RRP1B: variants seen among roughly 807,000 people sequenced by gnomAD.
RRP1B encodes the protein ribosomal RNA processing protein 1 homolog B.
Under a neutral mutation model 80.2 loss-of-function variants are expected in RRP1B, and 56 were observed. That is an observed-to-expected ratio of 0.70 (90% CI 0.56 to 0.87). The LOEUF (loss-of-function observed/expected upper bound fraction) is 0.87, where lower values mean the gene tolerates loss of function less well. RRP1B is among the 40% of genes least tolerant of loss of function. The pLI is 0.00. For synonymous variants in RRP1B, 351 were observed against 357.6 expected (o/e 0.98, Z 0.21); for missense variants, 807 against 939.8 (o/e 0.86, Z 1.85).
At chr21:43,685,986 T>G in intron 11 of RRP1B, 197 bp downstream of exon 11, 1 of 471,340 alleles carries the variant, frequency 2.1e-6, no homozygotes, top group Non-Finnish European at 3.5e-6. Flanking sequence ...CCAGGCGTGG[T>G]GGCGTGATCC....
chr21:43,688,263 C>T, intron 13 of RRP1B, 23 bp downstream of exon 13: 1 of 1,504,962 alleles, frequency 6.6e-7, no homozygotes, highest in Non-Finnish European at 8.9e-7. Context: ...CACCCACAGG[C>T]CAGCTCGCCA....
rs1429270506 is a variant in RRP1B, at chr21:43,659,760, C to T, written c.96C>T (p.Arg32=). Residue 32 remains arginine (R), a synonymous_variant, in exon 1 of 16, where the codon CGC becomes CGT. Coordinates refer to ENST00000340648, the MANE Select transcript of RRP1B (RefSeq NM_015056.3). The surrounding 1 kb of genome is among the most constrained non-coding windows in gnomAD (Gnocchi z 4.2). ...GIRDRAVKKL[R]QYISVKTQRE... Reference sequence around the variant, plus strand: ...GGGACCGAGCGGTGAAGAAGCTGCGCCAGTACATCAGCGTGAAGACGCAGA... The same window carrying T: ...GGGACCGAGCGGTGAAGAAGCTGCGTCAGTACATCAGCGTGAAGACGCAGA... 1 of 1,522,388 alleles carries T rather than the reference C, an allele frequency of 6.6e-7. No individual in the cohort carries two copies. The highest frequency in any genetic ancestry group is 8.8e-7 in the Non-Finnish European group (1 of 1,132,440). The allele number at this position is 1,522,388 out of a possible 1,614,324, so 94.3% of individuals were successfully genotyped here.
intron 2 of RRP1B, 46 bp from the exon 3 acceptor site, chr21:43,672,262 T>A: frequency 6.3e-7 from 1 of 1,578,768 alleles, no homozygotes. Context: ...CATCTCATGT[T>A]GCCCCACGAT....
intron 3 of RRP1B, among the ~76,000 whole-genome samples, 158 bp downstream of exon 3, chr21:43,672,523 G>A (rs1409501680): frequency 3.3e-5 from 5 of 152,212 alleles, no homozygotes; most frequent in African/African-American, 1.2e-4. Context: ...AGGGCACAGT[G>A]TCTTGGGGAG....
rs1437935156 is a variant in RRP1B at position 43,659,805 on chromosome 21, G to A, written c.130+11G>A. The A allele has an allele frequency of 8.7e-6, 13 of 1,493,072 alleles. No individual in the cohort carries two copies. The highest frequency in any genetic ancestry group is 3.8e-5 in the South Asian group (3 of 78,588). 92.5% of individuals were successfully genotyped at this position (1,493,072 alleles called of 1,614,324 possible). A position where few individuals can be genotyped will look rare whatever the true frequency, so the allele number is the denominator to read the frequency against. ...CGCAGAGGGAGACAGGTGGGCGCAC[G>A]GCCGCGGTCAGCCGCGCCACATGGC... On this transcript the variant is annotated intron_variant, in intron 1 of 15. Coordinates refer to ENST00000340648, the MANE Select transcript of RRP1B (RefSeq NM_015056.3). This position sits in a 1 kb window ranked among gnomAD's most constrained non-coding sequence, Gnocchi z 4.2.
At chr21:43,667,069 A>G (rs1343921597) in intron 1 of RRP1B, among the ~76,000 whole-genome samples, 4 of 152,062 alleles carry the variant, frequency 2.6e-5, no homozygotes, top group African/African-American at 9.7e-5. Context: ...TACTTTTGTA[A>G]GAATACTTCA....
At position 43,665,254 on chromosome 21, in the gene RRP1B, A is replaced by G. The variant is rs2082974037; in HGVS notation, c.131-4630A>G. Among the ~76,000 whole-genome samples the G allele has an allele frequency of 2.0e-5, 3 of 152,230 alleles. No individual in the cohort carries two copies. The South Asian group carries it at 6.2e-4, about 32-fold the overall frequency. ...GTTTTTAAGTGAGAAAGACCAGAAT[A>G]CAGAATATTATGCCATTTAGGTCAC... is the stretch of plus-strand genomic sequence containing the variant. On this transcript the variant is annotated intron_variant, in intron 1 of 15. Transcript: ENST00000340648.
chr21:43,666,509 G>T (rs1401625889), intron 1 of RRP1B, among the ~76,000 whole-genome samples: 1 of 152,196 alleles, frequency 6.6e-6, no homozygotes. Context: ...ATGTGGTCAA[G>T]AGACTGAGAC....
At chr21:43,675,713 A>G (rs1241954831) in intron 6 of RRP1B, among the ~76,000 whole-genome samples, 1 of 152,172 alleles carries the variant, frequency 6.6e-6, no homozygotes, top group Non-Finnish European at 1.5e-5. Flanking sequence ...CCTCTTGTAG[A>G]GGAAGTATAT....
chr21:43,690,544 C>T (rs1362008493), intron 14 of RRP1B, 104 bp downstream of exon 14: 25 of 1,316,870 alleles, frequency 1.9e-5, no homozygotes, highest in Non-Finnish European at 2.6e-5. Context: ...CCACTGTGGC[C>T]CTCTGAGCCT....
At position 43,673,967 on chromosome 21, in the gene RRP1B, C is replaced by A. The variant is rs758096993; in HGVS notation, c.357+12C>A. ...ACAAATACTATATGGTAAGATCTGC[C>A]GCAGTTACTTCAAAAACTCCTGGGA... On this transcript the variant is annotated intron_variant, in intron 4 of 15. Transcript: ENST00000340648. 1.3e-6 allele frequency: 2 copies of A among 1,572,688 alleles called. No homozygotes were observed. Among genetic ancestry groups the A allele is most frequent in the South Asian group, 2.3e-5 (2 of 88,100 alleles).
At chr21:43,669,035 C>G (rs2082989379) in intron 1 of RRP1B, among the ~76,000 whole-genome samples, 1 of 152,210 alleles carries the variant, frequency 6.6e-6, no homozygotes, top group Non-Finnish European at 1.5e-5. Context: ...CCCTGAGTAG[C>G]TAGAGTCAGA....
chr21:43,694,912 C>T lies in RRP1B; in HGVS notation c.*1529C>T, dbSNP rs1006875082. 1 of 152,170 alleles carries T rather than the reference C, an allele frequency of 6.6e-6. No individual in the cohort carries two copies. The highest frequency in any genetic ancestry group is 2.4e-5 in the African/African-American group (1 of 41,436). 9.4% of individuals were successfully genotyped at this position (152,170 alleles called of 1,614,324 possible). A position where few individuals can be genotyped will look rare whatever the true frequency, so the allele number is the denominator to read the frequency against. On this transcript the variant is annotated 3_prime_UTR_variant, in exon 16 of 16. Transcript: ENST00000340648. ...TGCGAACATCAGACTGACTTGCTGG[C>T]GTCAAGAGCAGTTGACTCACTGATG...
intron 8 of RRP1B, among the ~76,000 whole-genome samples, chr21:43,678,111 C>G (rs1348434387): frequency 6.6e-6 from 1 of 152,226 alleles, no homozygotes; most frequent in East Asian, 1.9e-4. Context: ...TACTAGTTGA[C>G]ATTCCCACCA....
chr21:43,674,516 T>G, intron 4 of RRP1B, 120 bp from the exon 5 acceptor site: 2 of 718,798 alleles, frequency 2.8e-6, no homozygotes, highest in Non-Finnish European at 2.3e-6. Flanking sequence ...TTTTTACTTT[T>G]GGGATCCAGG....
intron 1 of RRP1B, among the ~76,000 whole-genome samples, chr21:43,668,037 G>A (rs1275534316): frequency 6.6e-6 from 1 of 151,940 alleles, no homozygotes; most frequent in East Asian, 1.9e-4. Context: ...GTGAAACCTT[G>A]TCTCCACTAA....
intron 9 of RRP1B, among the ~76,000 whole-genome samples, 158 bp from the exon 10 acceptor site, chr21:43,684,395 T>C (rs1413282922): frequency 6.6e-6 from 1 of 152,186 alleles, no homozygotes; most frequent in Non-Finnish European, 1.5e-5. Context: ...TCAAAGGTAG[T>C]GCTTGTGCTC....
rs757673571 is a variant in RRP1B at position 43,691,435 on chromosome 21, G to C, written c.2020-4G>C. ...CTTTTGTTCCTGTTATTTCTCTTCTGCAGCTAAACAAGACACCATCCAGCT... is the reference window on the plus strand; with the variant it reads ...CTTTTGTTCCTGTTATTTCTCTTCTCCAGCTAAACAAGACACCATCCAGCT... On this transcript the variant is annotated splice_region_variant and splice_polypyrimidine_tract_variant and intron_variant, in intron 14 of 15. Coordinates refer to ENST00000340648, the MANE Select transcript of RRP1B (RefSeq NM_015056.3). The surrounding 1 kb of genome is among the most constrained non-coding windows in gnomAD (Gnocchi z 4.2). 27 of 1,613,682 alleles carry C rather than the reference G, an allele frequency of 1.7e-5. 1 individual carries two copies. In the South Asian group the frequency reaches 3.0e-4, roughly 18 times the overall value.
intron 8 of RRP1B, among the ~76,000 whole-genome samples, chr21:43,677,843 C>T (rs548332268): frequency 2.6e-4 from 40 of 152,314 alleles, no homozygotes; most frequent in African/African-American, 9.4e-4. Context: ...TTATTTCATT[C>T]CTTTTTATGG....
Sources: gnomAD v4.1 joint callset for allele counts (sites outside exome capture counted in the v4.1 genomes callset) on GRCh38, gnomAD v4.1.1 for gene constraint, Gnocchi (gnomAD v3.1) non-coding constraint, MANE v1.5 for transcripts, NCBI Gene and HGNC (gene_info 2026-07-23, HGNC 2026-07-21) for gene names.